Variants in CPPED1 observed in about 807,000 individuals in gnomAD.
CPPED1 encodes the protein serine/threonine-protein phosphatase CPPED1.
Under a neutral mutation model 28.0 loss-of-function variants are expected in CPPED1, and 28 were observed. The observed-to-expected ratio is 1.00, with a 90% confidence interval of 0.74 to 1.37. The LOEUF is 1.37. Ranked by LOEUF, CPPED1 falls within the 40% of genes most tolerant of loss-of-function variation. The pLI, the probability that CPPED1 is intolerant of heterozygous loss-of-function variation, is 0.00. For missense variants in CPPED1, 504 were observed against 416.5 expected (o/e 1.21, Z -1.83); for synonymous variants, 198 against 180.2 (o/e 1.10, Z -0.79).
intron 1 of CPPED1, 55 bp downstream of exon 1, chr16:12,803,652 G>C: frequency 7.3e-7 from 1 of 1,361,976 alleles, no homozygotes; most frequent in Non-Finnish European, 9.6e-7. Flanking sequence ...AGGTTCCCCC[G>C]GCGGAAGGTT....
intron 2 of CPPED1, among the ~76,000 whole-genome samples, chr16:12,741,162 T>C (rs1191537516): frequency 2.0e-5 from 3 of 152,080 alleles, no homozygotes; most frequent in East Asian, 1.9e-4. Flanking sequence ...ACTTAAAATA[T>C]AGTGGGCAGG....
At position 12,717,031 on chromosome 16, in the gene CPPED1, G is replaced by C. The variant is rs574329329; in HGVS notation, c.290-11982C>G. 2.7e-3 allele frequency among the ~76,000 whole-genome samples: 410 copies of C among 152,174 alleles called. 2 individuals are homozygous for C. The highest frequency in any genetic ancestry group is 5.4e-3 in the South Asian group (26 of 4,818). ...CATCACAGGGCTTAGGTGGAACTAG[G>C]GCCTGCTGAACAGGGGGAAAGAAGG... On this transcript the variant is annotated intron_variant, in intron 2 of 3. Transcript: ENST00000381774.
rs141865359 is a variant in CPPED1, at chr16:12,736,694, T to A, written c.290-31645A>T. On this transcript the variant is annotated intron_variant, in intron 2 of 3. Coordinates refer to ENST00000381774, the MANE Select transcript of CPPED1 (RefSeq NM_018340.3). ...TGCTTAACCATTATTTACAGAATGC[T>A]AGGCAATCTAAACACTAAGATTCTA... Among the ~76,000 whole-genome samples, 1,096 of 152,334 alleles carry A rather than the reference T, an allele frequency of 7.2e-3. 16 individuals are homozygous for A. Among genetic ancestry groups the A allele is most frequent in the African/African-American group, 0.025 (1,032 of 41,586 alleles).
intron 2 of CPPED1, among the ~76,000 whole-genome samples, chr16:12,734,354 G>A (rs538976705): frequency 1.4e-3 from 212 of 151,336 alleles, no homozygotes; most frequent in African/African-American, 5.0e-3. Context: ...ACAGGCATGA[G>A]TCACTGCACC....
At chr16:12,702,470 C>T (rs1010489963) in intron 3 of CPPED1, among the ~76,000 whole-genome samples, 1 of 151,884 alleles carries the variant, frequency 6.6e-6, no homozygotes, top group Non-Finnish European at 1.5e-5. Context: ...CCTAGGAGGT[C>T]GAGGCTGCAG....
chr16:12,714,255 T>A (rs1037505261), intron 2 of CPPED1, among the ~76,000 whole-genome samples: 1 of 152,228 alleles, frequency 6.6e-6, no homozygotes, highest in Non-Finnish European at 1.5e-5. Context: ...CACGTGCAAG[T>A]TTTTCACATG....
chr16:12,708,228 C>A (rs2080061981), intron 2 of CPPED1, among the ~76,000 whole-genome samples: 2 of 152,058 alleles, frequency 1.3e-5, no homozygotes, highest in Non-Finnish European at 2.9e-5. Context: ...ACTTTCTATA[C>A]CTCTTGCATG....
intron 3 of CPPED1, among the ~76,000 whole-genome samples, chr16:12,697,661 GGAACACTGCACT>G (rs1189936508): frequency 2.0e-5 from 3 of 152,186 alleles, no homozygotes; most frequent in Non-Finnish European, 2.9e-5. Flanking sequence ...AAGTTTTATT[GGAACACTGCACT>G]GTCTGTGGCT....
At chr16:12,759,195 A>G (rs944564203) in intron 2 of CPPED1, 6 of 152,220 alleles carry the variant, frequency 3.9e-5, no homozygotes, top group Non-Finnish European at 7.3e-5. Flanking sequence ...AAGACAAAAA[A>G]AAAGTGCTAG....
chr16:12,717,788 C>T (rs377179615), intron 2 of CPPED1, among the ~76,000 whole-genome samples: 29 of 152,216 alleles, frequency 1.9e-4, no homozygotes, highest in African/African-American at 6.5e-4. Context: ...ATTACAGGAG[C>T]CTGTCACCAT....
chr16:12,708,259 G>C (rs1464823971), intron 2 of CPPED1, among the ~76,000 whole-genome samples: 2 of 152,140 alleles, frequency 1.3e-5, no homozygotes, highest in African/African-American at 4.8e-5. Context: ...TGCTGAGGTG[G>C]AGTGAGTGTG....
chr16:12,664,561 T>C lies in CPPED1; in HGVS notation c.*325A>G. On this transcript the variant is annotated 3_prime_UTR_variant, in exon 4 of 4. Coordinates refer to ENST00000381774, the MANE Select transcript of CPPED1 (RefSeq NM_018340.3). The surrounding 1 kb of genome is among the most constrained non-coding windows in gnomAD (Gnocchi z 4.2). ...GAGGTCGATAGGCAGACTTTGACCA[T>C]ATGCTAACCAGAATACAATCCAATT... 7.1e-6 allele frequency: 8 copies of C among 1,126,944 alleles called. No individual in the cohort carries two copies. The highest frequency in any genetic ancestry group is 8.7e-6 in the Non-Finnish European group (8 of 920,436). 69.8% of individuals were successfully genotyped at this position (1,126,944 alleles called of 1,614,324 possible). A position where few individuals can be genotyped will look rare whatever the true frequency, so the allele number is the denominator to read the frequency against.
Position 12,682,889 on chromosome 16 carries a change from G to C in CPPED1, c.716-17774C>G, listed in dbSNP as rs2079913087. Among the ~76,000 whole-genome samples, 2 of 152,242 alleles carry C rather than the reference G, an allele frequency of 1.3e-5. No homozygotes were observed. Among genetic ancestry groups the C allele is most frequent in the Admixed American group, 6.5e-5 (1 of 15,284 alleles). ...CACATTAAGGTTTCAATCCAGAATG[G>C]ACAATTTTCTAGATTTCCATGCTCT... is the stretch of plus-strand genomic sequence containing the variant. On this transcript the variant is annotated intron_variant, in intron 3 of 3. Transcript: ENST00000381774. The surrounding 1 kb of genome is among the most constrained non-coding windows in gnomAD (Gnocchi z 6.1).
intron 2 of CPPED1, among the ~76,000 whole-genome samples, chr16:12,756,633 G>C (rs2080370856): frequency 1.3e-5 from 2 of 152,090 alleles, no homozygotes; most frequent in Admixed American, 1.3e-4. Context: ...CTTGAACCCA[G>C]GAGGCAGAGG....
intron 2 of CPPED1, among the ~76,000 whole-genome samples, chr16:12,706,057 T>C (rs1483820447): frequency 6.6e-6 from 1 of 152,174 alleles, no homozygotes; most frequent in African/African-American, 2.4e-5. Flanking sequence ...GTTCAGAATT[T>C]CAATATCTCA....
At chr16:12,739,601 C>T (rs72779072) in intron 2 of CPPED1, among the ~76,000 whole-genome samples, 22,034 of 151,976 alleles carry the variant, frequency 0.14, 1,745 homozygotes, top group Admixed American at 0.18. Flanking sequence ...AGTGCTTGTT[C>T]GAGTAAACAC....
At chr16:12,750,659 A>C (rs1004747030) in intron 2 of CPPED1, among the ~76,000 whole-genome samples, 11 of 152,200 alleles carry the variant, frequency 7.2e-5, no homozygotes, top group African/African-American at 2.4e-4. Flanking sequence ...AGATGTAAGA[A>C]TATGCTGTTG....
intron 1 of CPPED1, among the ~76,000 whole-genome samples, chr16:12,788,271 A>G (rs533282536): frequency 6.6e-6 from 1 of 152,358 alleles, no homozygotes; most frequent in African/African-American, 2.4e-5. Context: ...CACACAAAGC[A>G]TGAACACCTG....
intron 3 of CPPED1, among the ~76,000 whole-genome samples, chr16:12,697,029 A>AT (rs1460765313): frequency 5.3e-5 from 8 of 151,658 alleles, no homozygotes; most frequent in Admixed American, 1.3e-4. Flanking sequence ...CTTTATTTTT[A>AT]TTTTTTATTT....
Sources: allele counts gnomAD v4.1 joint callset (sites outside exome capture counted in the v4.1 genomes callset), GRCh38; gene constraint gnomAD v4.1.1; non-coding constraint Gnocchi (gnomAD v3.1); transcripts MANE v1.5; gene names NCBI Gene and HGNC (gene_info 2026-07-23, HGNC 2026-07-21).